The following MYO7A variants were observed in gnomAD, a reference collection of about 807,000 sequenced individuals.
MYO7A encodes the protein unconventional myosin-VIIa.
MYO7A carries 210 observed loss-of-function variants against 263.8 expected under a neutral mutation model. The ratio of observed to expected loss-of-function variants is 0.80; its 90% CI spans 0.71 to 0.89. The LOEUF is 0.89. Ranked by LOEUF, MYO7A falls within the 40% of genes least tolerant of loss-of-function variation. The probability of loss-of-function intolerance (pLI) is 0.00; values close to 1 mark genes in which losing one functional copy is unlikely to be tolerated. For synonymous variants in MYO7A, 1,239 were observed against 1,197.3 expected (o/e 1.03, Z -0.72); for missense variants, 2,820 against 2,968.3 (o/e 0.95, Z 1.16).
intron 46 of MYO7A, chr11:77,212,279 A>G (rs1482595668): frequency 9.1e-6 from 4 of 440,476 alleles, no homozygotes; most frequent in Non-Finnish European, 1.3e-5. Context: ...AGAGGAGGTG[A>G]TATCTGAGCT....
intron 2 of MYO7A, among the ~76,000 whole-genome samples, chr11:77,134,460 A>T (rs113215691): frequency 6.6e-4 from 98 of 148,426 alleles, no homozygotes; most frequent in Non-Finnish European, 1.3e-3. Flanking sequence ...AAAATACAAC[A>T]TTTTTTTTTT....
At chr11:77,197,392 G>T in intron 32 of MYO7A, 89 bp from the exon 33 acceptor site, 1 of 1,003,638 alleles carries the variant, frequency 1.0e-6, no homozygotes, top group Non-Finnish European at 1.5e-6. Context: ...GCCCCAGGCT[G>T]CTCCTGGCTA....
chr11:77,201,414 T>G (rs1216643779), intron 35 of MYO7A, 34 bp from the exon 36 acceptor site: 1 of 1,593,500 alleles, frequency 6.3e-7, no homozygotes, highest in African/African-American at 1.3e-5. Flanking sequence ...AGCCTGTCTC[T>G]GCCCCCATGG....
At chr11:77,181,083 A>G (rs1380526403) in intron 22 of MYO7A, among the ~76,000 whole-genome samples, 1 of 152,238 alleles carries the variant, frequency 6.6e-6, no homozygotes, top group Non-Finnish European at 1.5e-5. Flanking sequence ...ACACTGGTCT[A>G]GAGCCTCAAG....
Position 77,205,517 on chromosome 11 carries a change from C to G in MYO7A, c.5536C>G (p.Pro1846Ala), listed in dbSNP as rs763456971. 3.1e-6 allele frequency: 5 copies of G among 1,603,600 alleles called. No individual in the cohort carries two copies. The Admixed American group carries it at 8.5e-5, about 27-fold the overall frequency. The change falls in exon 40 of 49, where the codon CCC (proline) becomes GCC (alanine). Residue 1846 changes from proline to alanine, a missense_variant. Pro to Ala is a conservative substitution (Grantham distance 27). Transcript: ENST00000409709. ...CTGGCTGTGCACGGGCCTTTTCCCA[C>G]CCAGCAACATCCTCCTGCCCCACGT... is the stretch of plus-strand genomic sequence containing the variant. ...LLWLCTGLFP[P>A]SNILLPHVQR...
chr11:77,135,640 C>T (rs1417087558), intron 2 of MYO7A, among the ~76,000 whole-genome samples: 9 of 152,134 alleles, frequency 5.9e-5, no homozygotes, highest in Admixed American at 5.2e-4. Flanking sequence ...TTTTTAGGAA[C>T]TGCCATAGTG....
In MYO7A at chr11:77,158,433, G is replaced by A. The variant is rs1952694985; in HGVS notation, c.1003+3G>A. 1 of 1,610,482 alleles carries A rather than the reference G, an allele frequency of 6.2e-7. No individual in the cohort carries two copies. The highest frequency in any genetic ancestry group is 1.1e-5 in the South Asian group (1 of 90,968). ...CCTGGGCAACCTGCAGTATGAGGGT[G>A]AGGCTGCGCCACACTCGCCCTGCCC... On this transcript the variant is annotated splice_donor_region_variant and intron_variant, in intron 9 of 48. Transcript: ENST00000409709.
intron 40 of MYO7A, 21 bp from the exon 41 acceptor site, chr11:77,206,076 C>T: frequency 1.3e-6 from 2 of 1,585,034 alleles, no homozygotes; most frequent in Non-Finnish European, 1.7e-6. Flanking sequence ...ATGCCCCCTG[C>T]TGCCCCTGCT....
rs759034081 is a variant in MYO7A, at chr11:77,197,469, C to G, written c.4324-12C>G. 2 of 1,562,682 alleles carry G rather than the reference C, an allele frequency of 1.3e-6. No individual in the cohort carries two copies. Among genetic ancestry groups the G allele is most frequent in the Non-Finnish European group, 8.7e-7 (1 of 1,147,518 alleles). On this transcript the variant is annotated splice_polypyrimidine_tract_variant and intron_variant, in intron 32 of 48. Coordinates refer to ENST00000409709, the MANE Select transcript of MYO7A (RefSeq NM_000260.4). ...TGTTGTCTTCTGTCCCTCTGTCCCT[C>G]TCTCCTTCCAGGGGATTTATGCCCA...
At chr11:77,165,021 G>A (rs557960797) in intron 14 of MYO7A, among the ~76,000 whole-genome samples, 2 of 152,374 alleles carry the variant, frequency 1.3e-5, no homozygotes, top group South Asian at 2.1e-4. Flanking sequence ...AAGCAAGCTT[G>A]TAGGCACTAT....
chr11:77,189,677 A>G (rs1356066367), intron 28 of MYO7A, among the ~76,000 whole-genome samples: 1 of 152,046 alleles, frequency 6.6e-6, no homozygotes, highest in Non-Finnish European at 1.5e-5. Context: ...TCTACTTAGG[A>G]GGGGGCTGAG....
chr11:77,181,271 G>A (rs1170876865), intron 22 of MYO7A, 109 bp from the exon 23 acceptor site: 3 of 968,612 alleles, frequency 3.1e-6, no homozygotes, highest in South Asian at 1.7e-5. Flanking sequence ...GTCAGGAGGT[G>A]GGGACTGAGG....
In MYO7A at chr11:77,183,169, C is replaced by T. The variant is rs781935881; in HGVS notation, c.3375+12C>T. ...AGCTCACAGAGGAGGTGAGGGCAGA[C>T]GCTGGGGGTCTGGCAGCCCAGGGGT... On this transcript the variant is annotated intron_variant, in intron 26 of 48. Coordinates refer to ENST00000409709, the MANE Select transcript of MYO7A (RefSeq NM_000260.4). 1.1e-4 allele frequency: 166 copies of T among 1,550,430 alleles called. No homozygotes were observed. Among genetic ancestry groups the T allele is most frequent in the Middle Eastern group, 1.7e-4 (1 of 5,974 alleles).
intron 31 of MYO7A, among the ~76,000 whole-genome samples, chr11:77,193,349 ATGG>A (rs1029594943): frequency 1.4e-5 from 2 of 140,380 alleles, no homozygotes; most frequent in Admixed American, 1.4e-4. Flanking sequence ...AAAGGTAGTG[ATGG>A]TGGTGTTGAC....
At chr11:77,208,288 T>A (rs895982394) in intron 42 of MYO7A, 142 bp from the exon 43 acceptor site, 16 of 665,258 alleles carry the variant, frequency 2.4e-5, no homozygotes, top group Non-Finnish European at 3.7e-5. Context: ...TGGGGCAGGG[T>A]GGGGCTGACA....
intron 41 of MYO7A, among the ~76,000 whole-genome samples, chr11:77,206,782 G>T (rs1957469823): frequency 6.6e-6 from 1 of 152,192 alleles, no homozygotes; most frequent in Non-Finnish European, 1.5e-5. Context: ...TATGAAACTT[G>T]TCTGAGGCTG....
intron 35 of MYO7A, among the ~76,000 whole-genome samples, chr11:77,201,157 G>A (rs1240208680): frequency 6.6e-6 from 1 of 152,206 alleles, no homozygotes; most frequent in African/African-American, 2.4e-5. Flanking sequence ...GTTTGGCTGG[G>A]AACAGGCACA....
chr11:77,137,249 A>C (rs1254384458), intron 2 of MYO7A, among the ~76,000 whole-genome samples: 1 of 152,154 alleles, frequency 6.6e-6, no homozygotes, highest in Admixed American at 6.5e-5. Flanking sequence ...CTGGGTTCCC[A>C]AGGCTGGGAC....
intron 27 of MYO7A, among the ~76,000 whole-genome samples, chr11:77,187,388 A>G (rs541912338): frequency 1.3e-5 from 2 of 151,788 alleles, no homozygotes; most frequent in East Asian, 1.9e-4. Context: ...TACCTCATAC[A>G]TAGGCTTGTG....
Sources: gnomAD v4.1 joint callset for allele counts (sites outside exome capture counted in the v4.1 genomes callset) on GRCh38, gnomAD v4.1.1 for gene constraint, MANE v1.5 for transcripts, NCBI Gene and HGNC (gene_info 2026-07-23, HGNC 2026-07-21) for gene names.